Variants in DUSP15 observed in about 807,000 individuals in gnomAD.
The protein encoded by DUSP15 is dual specificity protein phosphatase 15.
Under a neutral mutation model 26.3 loss-of-function variants are expected in DUSP15, and 23 were observed. The observed-to-expected ratio is 0.87, with a 90% CI of 0.63 to 1.24. The LOEUF is 1.24. DUSP15 is among the 50% of genes most tolerant of loss of function. DUSP15 has a pLI of 0.00. For missense variants in DUSP15, 364 were observed against 320.6 expected (o/e 1.14, Z -1.03); for synonymous variants, 143 against 135.5 (o/e 1.06, Z -0.39).
intron 2 of DUSP15, among the ~76,000 whole-genome samples, chr20:31,868,939 G>C (rs1423145588): frequency 2.0e-5 from 3 of 152,200 alleles, no homozygotes; most frequent in Non-Finnish European, 4.4e-5. Flanking sequence ...TGAGAGAGTG[G>C]GGAATGCAAA....
chr20:31,862,262 G>A (rs907082822), intron 6 of DUSP15, among the ~76,000 whole-genome samples: 6 of 152,132 alleles, frequency 3.9e-5, no homozygotes, highest in African/African-American at 1.4e-4. Flanking sequence ...CTCCCCGATG[G>A]GGTCAAACAC....
downstream of DUSP15, among the ~76,000 whole-genome samples, chr20:31,859,585 C>T (rs1356222252): frequency 3.3e-5 from 5 of 152,206 alleles, no homozygotes; most frequent in African/African-American, 4.8e-5. Flanking sequence ...AGCCACCTGG[C>T]TCTTGAAGCA....
chr20:31,846,348 C>T (rs2062377735), downstream of DUSP15, among the ~76,000 whole-genome samples: 1 of 150,900 alleles, frequency 6.6e-6, no homozygotes, highest in Non-Finnish European at 1.5e-5. Context: ...AAGTGAGAAT[C>T]ACTGAGCAGG....
At chr20:31,869,718 G>C in intron 1 of DUSP15, 121 bp from the exon 2 acceptor site, 1 of 1,528,324 alleles carries the variant, frequency 6.5e-7, no homozygotes, top group Non-Finnish European at 8.8e-7. Context: ...CAGGGCTCAG[G>C]GAGCACTCTC....
chr20:31,861,646 G>C lies in DUSP15; in HGVS notation c.465C>G (p.Gly155=), dbSNP rs531718110. 8 of 1,293,400 alleles carry C rather than the reference G, an allele frequency of 6.2e-6. No individual in the cohort carries two copies. The African/African-American group carries it at 8.1e-5, about 13-fold the overall frequency. 80.1% of individuals were successfully genotyped at this position (1,293,400 alleles called of 1,614,324 possible). ...KLRRQLEERF[G]ESPFRDEEEL... ...CCTCCTCGTCGCGGAAGGGGCTCTC[G>C]CCGAAGCGCTCCTCCAGCTGCCGGC... The change falls in exon 7 of 7, where the codon GGC becomes GGG. Residue 155 remains glycine (G), a synonymous_variant. Transcript: ENST00000339738.
chr20:31,860,277 G>A (rs2062622928), downstream of DUSP15, among the ~76,000 whole-genome samples: 1 of 152,190 alleles, frequency 6.6e-6, no homozygotes, highest in Admixed American at 6.5e-5. Flanking sequence ...CTCCCCGACA[G>A]CCCTGAGCAC....
downstream of DUSP15, among the ~76,000 whole-genome samples, chr20:31,846,442 TAGAGAGAGAGAGAGAG>T (rs71185371): frequency 2.8e-5 from 3 of 107,786 alleles, no homozygotes; most frequent in African/African-American, 8.0e-5. Context: ...AAGGAATGAA[TAGAGAGAGAGAGAGAG>T]AGAGAGAGAG....
chr20:31,869,570 A>G lies in DUSP15; in HGVS notation c.49T>C (p.Phe17Leu). 1 of 1,613,246 alleles carries G rather than the reference A, an allele frequency of 6.2e-7. No homozygotes were observed. The highest frequency in any genetic ancestry group is 8.5e-7 in the Non-Finnish European group (1 of 1,179,692). ...CAGAGTGGGCAGTGCTCACCAATGA[A>G]GTTTCCGAGGTAGAGTCCAGGAAGT... is the stretch of plus-strand genomic sequence containing the variant. ...KVLPGLYLGN[F>L]IDAKDLDQLG... is the part of the protein sequence containing the mutation. Residue 17 changes from phenylalanine to leucine, a missense_variant, in exon 2 of 7, where the codon TTC becomes CTC. Coordinates refer to ENST00000339738, the MANE Select transcript of DUSP15 (RefSeq NM_080611.5).
chr20:31,861,444 A>G lies in DUSP15; in HGVS notation c.667T>C (p.Ser223Pro). ...PLLARVKQTF[S>P]CLPRCLSRKG... is the part of the protein sequence containing the mutation. The stretch of plus-strand genomic sequence containing the variant: ...CGGGACAGACACCGGGGGAGGCAAG[A>G]GAAAGTCTGCTTGACGCGCGCCAGC... Residue 223 changes from serine to proline, a missense_variant, in exon 7 of 7, where the codon TCT becomes CCT. Ser to Pro is a moderately conservative substitution (Grantham distance 74, BLOSUM62 -1). Coordinates refer to ENST00000339738, the MANE Select transcript of DUSP15 (RefSeq NM_080611.5). 1 of 1,559,838 alleles carries G rather than the reference A, an allele frequency of 6.4e-7. No homozygotes were observed. The highest frequency in any genetic ancestry group is 1.2e-5 in the South Asian group (1 of 85,084).
exon 7 of DUSP15, chr20:31,850,639 T>G (rs1453192609): frequency 6.2e-7 from 1 of 1,611,986 alleles, no homozygotes; most frequent in Admixed American, 1.7e-5. Flanking sequence ...CGGAGGGCAT[T>G]GGGCACCAGA....
exon 10 of DUSP15, chr20:31,847,934 G>C (rs1309595675): frequency 6.5e-6 from 1 of 152,954 alleles, no homozygotes; most frequent in African/African-American, 2.4e-5. Flanking sequence ...ATAAAGAAGA[G>C]AGACTAGCTG....
At chr20:31,850,608 T>C in intron 7 of DUSP15, 1 of 1,610,352 alleles carries the variant, frequency 6.2e-7, no homozygotes, top group East Asian at 2.2e-5. Context: ...TTTCGATTCC[T>C]TACCAGGTTG....
chr20:31,864,884 C>T, intron 4 of DUSP15, 69 bp downstream of exon 4: 1 of 1,527,628 alleles, frequency 6.5e-7, no homozygotes. Context: ...CTCCTTCAAA[C>T]CCCCTCCCCC....
In DUSP15 at chr20:31,861,467, A is replaced by C. The variant is rs772390782; in HGVS notation, c.644T>G (p.Leu215Arg). The change falls in exon 7 of 7, where the codon CTG becomes CGG. Residue 215 changes from leucine to arginine, a missense_variant. By Grantham distance (102) the Leu-to-Arg change is moderately radical (BLOSUM62 -2). Transcript: ENST00000339738. ...AGAGAAAGTCTGCTTGACGCGCGCC[A>C]GCAGCGGCAGCGGCCGGTGGGCTTC... ...PREAHRPLPL[L>R]ARVKQTFSCL... 1.9e-6 allele frequency: 3 copies of C among 1,546,728 alleles called. No individual in the cohort carries two copies. In the Admixed American group the frequency reaches 5.7e-5, roughly 29 times the overall value.
chr20:31,867,028 C>T lies in DUSP15; in HGVS notation c.138+43G>A, dbSNP rs779335486. Reference sequence around the variant, plus strand: ...TAGATATTTGATAAACAGGTCTGCACCCTCCCACCCCCGCATAGCCCTGGG... The same window carrying T: ...TAGATATTTGATAAACAGGTCTGCATCCTCCCACCCCCGCATAGCCCTGGG... On this transcript the variant is annotated intron_variant, in intron 3 of 6. Transcript: ENST00000339738. 3.3e-6 allele frequency: 5 copies of T among 1,531,646 alleles called. No individual in the cohort carries two copies. In the Admixed American group the frequency reaches 7.8e-5, roughly 24 times the overall value. The allele number at this position is 1,531,646 out of a possible 1,614,324, so 94.9% of individuals were successfully genotyped here. A position where few individuals can be genotyped will look rare whatever the true frequency, so the allele number is the denominator to read the frequency against.
At chr20:31,869,160 C>T (rs2062848114) in intron 2 of DUSP15, among the ~76,000 whole-genome samples, 1 of 152,224 alleles carries the variant, frequency 6.6e-6, no homozygotes, top group Admixed American at 6.5e-5. Context: ...GACCTCAACC[C>T]AGAACCTCAG....
chr20:31,863,542 T>TG lies in DUSP15; in HGVS notation c.263+364dup, dbSNP rs1235816888. The TG allele has an allele frequency of 6.9e-5, 15 of 218,554 alleles. No homozygotes were observed. In the Admixed American group the frequency reaches 8.0e-4, roughly 12 times the overall value. The allele number at this position is 218,554 out of a possible 1,614,324, so 13.5% of individuals were successfully genotyped here. A position where few individuals can be genotyped will look rare whatever the true frequency, so the allele number is the denominator to read the frequency against. On this transcript the variant is annotated intron_variant, in intron 5 of 6. Coordinates refer to ENST00000339738, the MANE Select transcript of DUSP15 (RefSeq NM_080611.5). ...CCCAGCTCGGGGTTCCCCACTGCCCTGCACCATCACCTCCAAGGCCTGGAG... is the reference window on the plus strand; with the variant it reads ...CCCAGCTCGGGGTTCCCCACTGCCCTGGCACCATCACCTCCAAGGCCTGGAG...
Position 31,861,223 on chromosome 20 carries a change from A to T in DUSP15, c.*180T>A. 1 of 1,353,766 alleles carries T rather than the reference A, an allele frequency of 7.4e-7. No homozygotes were observed. 83.9% of individuals were successfully genotyped at this position (1,353,766 alleles called of 1,614,324 possible). On this transcript the variant is annotated 3_prime_UTR_variant, in exon 7 of 7. Transcript: ENST00000339738. ...CTGCAGCAGGCCGGCCCGGACACAG[A>T]GACGCACAGGTTGGGGACGCTGACT...
intron 3 of DUSP15, 84 bp from the exon 4 acceptor site, chr20:31,865,086 A>T: frequency 2.0e-6 from 3 of 1,479,304 alleles, no homozygotes; most frequent in Non-Finnish European, 2.8e-6. Flanking sequence ...GCAGGGCATA[A>T]CCCCAGCCCA....
Sources: allele counts gnomAD v4.1 joint callset (sites outside exome capture counted in the v4.1 genomes callset), GRCh38; gene constraint gnomAD v4.1.1; transcripts MANE v1.5; gene names NCBI Gene and HGNC (gene_info 2026-07-23, HGNC 2026-07-21).